Variants in RIC1 observed in about 807,000 individuals in gnomAD.
RIC1 encodes the protein guanine nucleotide exchange factor subunit RIC1.
A neutral mutation model predicts 169.0 loss-of-function variants in RIC1; 88 were observed. That is an observed-to-expected ratio of 0.52 (90% confidence interval 0.44 to 0.62). The LOEUF is 0.62. Among genes scored for constraint, RIC1 ranks in the 20% least tolerant of loss-of-function variants. RIC1 has a pLI of 0.00. For synonymous variants in RIC1, 790 were observed against 601.5 expected (o/e 1.31, Z -4.59); for missense variants, 1,877 against 1,725.5 (o/e 1.09, Z -1.56).
intron 1 of RIC1, among the ~76,000 whole-genome samples, chr9:5,643,792 AAAAAT>A (rs1818369833): frequency 6.6e-6 from 1 of 152,240 alleles, no homozygotes; most frequent in African/African-American, 2.4e-5. Flanking sequence ...TTTAATCAGA[AAAAAT>A]AAAATAAATT....
At chr9:5,744,279 C>G (rs1041594354) in intron 10 of RIC1, among the ~76,000 whole-genome samples, 2 of 151,974 alleles carry the variant, frequency 1.3e-5, no homozygotes, top group African/African-American at 4.8e-5. Context: ...AGGTGAAATG[C>G]TCATTGGGCA....
At chr9:5,686,185 T>A (rs974623312) in intron 2 of RIC1, among the ~76,000 whole-genome samples, 1 of 151,344 alleles carries the variant, frequency 6.6e-6, no homozygotes, top group African/African-American at 2.4e-5. Context: ...GGTGGGACTG[T>A]AAACTAGTTC....
At chr9:5,768,638 C>T (rs566578988) in intron 21 of RIC1, among the ~76,000 whole-genome samples, 1 of 152,292 alleles carries the variant, frequency 6.6e-6, no homozygotes, top group East Asian at 1.9e-4. Flanking sequence ...CTCTCCTTCC[C>T]TCTTTTCATT....
rs375835398 is a variant in RIC1, at chr9:5,765,583, A to G, written c.3000+11A>G. On this transcript the variant is annotated intron_variant, in intron 20 of 25. Coordinates refer to ENST00000414202, the MANE Select transcript of RIC1 (RefSeq NM_020829.4). ...ACACCCACAGCTCAGGTTAGTTGCA[A>G]AAGTTACACATCTTCTCTAGGCCAT... 47 of 1,613,894 alleles carry G rather than the reference A, an allele frequency of 2.9e-5. No homozygotes were observed. In the Middle Eastern group the frequency reaches 4.9e-4, roughly 17 times the overall value.
Position 5,650,857 on chromosome 9 carries a change from C to G in RIC1, c.145-5726C>G, listed in dbSNP as rs185554625. ...TGCTTTAATACCAGGGACTCTGCCA[C>G]TCTGCTGGGTCCAAGTGGCATTGCA... On this transcript the variant is annotated intron_variant, in intron 1 of 25. Coordinates refer to ENST00000414202, the MANE Select transcript of RIC1 (RefSeq NM_020829.4). 7.9e-5 allele frequency among the ~76,000 whole-genome samples: 12 copies of G among 152,272 alleles called. No individual in the cohort carries two copies. The East Asian group carries it at 1.5e-3, about 20-fold the overall frequency.
intron 9 of RIC1, among the ~76,000 whole-genome samples, chr9:5,743,318 G>A (rs1298081158): frequency 6.6e-6 from 1 of 152,078 alleles, no homozygotes; most frequent in Non-Finnish European, 1.5e-5. Context: ...AATGAGGGTG[G>A]TAAGGCATGT....
At chr9:5,769,772 C>G (rs1827071093) in intron 22 of RIC1, 1 of 269,556 alleles carries the variant, frequency 3.7e-6, no homozygotes, top group Non-Finnish European at 6.9e-6. Flanking sequence ...AAACTTTTAA[C>G]TTTGGCATTT....
intron 21 of RIC1, among the ~76,000 whole-genome samples, chr9:5,766,526 G>A (rs568352385): frequency 3.3e-5 from 5 of 152,040 alleles, no homozygotes; most frequent in African/African-American, 1.2e-4. Context: ...AGTCCCCAAA[G>A]TCCATTGTAT....
rs1418338850 is a variant in RIC1, at chr9:5,742,984, G to A, written c.1017G>A (p.Gln339=). 14 of 1,612,842 alleles carry A rather than the reference G, an allele frequency of 8.7e-6. No homozygotes were observed. Among genetic ancestry groups the A allele is most frequent in the African/African-American group, 1.3e-5 (1 of 74,844 alleles). Residue 339 remains glutamine, a synonymous_variant, in exon 9 of 26, where the codon CAG becomes CAA. Coordinates refer to ENST00000414202, the MANE Select transcript of RIC1 (RefSeq NM_020829.4). ...GLSLWSVFGA[Q]LICTLGGDFA... Reference sequence around the variant, plus strand: ...CTTTATGGAGTGTTTTTGGAGCACAGCTGATTTGTACACTTGGAGGAGATT... The same window carrying A: ...CTTTATGGAGTGTTTTTGGAGCACAACTGATTTGTACACTTGGAGGAGATT...
At chr9:5,726,213 C>G (rs1352492294) in intron 6 of RIC1, among the ~76,000 whole-genome samples, 1 of 152,118 alleles carries the variant, frequency 6.6e-6, no homozygotes, top group African/African-American at 2.4e-5. Flanking sequence ...TCTCTAAGGA[C>G]TTGCTTTATG....
At chr9:5,770,396 A>T (rs1827127688) in intron 23 of RIC1, 118 bp downstream of exon 23, 22 of 920,970 alleles carry the variant, frequency 2.4e-5, no homozygotes, top group Non-Finnish European at 3.2e-5. Flanking sequence ...AACCATTTGT[A>T]TCCACTGGAG....
At chr9:5,629,726 C>G (rs1455957801) in intron 1 of RIC1, among the ~76,000 whole-genome samples, 2 of 152,212 alleles carry the variant, frequency 1.3e-5, no homozygotes, top group Admixed American at 6.5e-5. Context: ...CGTGCAGACT[C>G]CGCACGCTCC....
chr9:5,701,437 C>T lies in RIC1; in HGVS notation c.332+11399C>T, dbSNP rs980277582. Reference sequence around the variant, plus strand: ...GACCAGCCTGACCAACATAGCAGAACCCCCGTCTCTACTAACAATACAAAA... The same window carrying T: ...GACCAGCCTGACCAACATAGCAGAATCCCCGTCTCTACTAACAATACAAAA... On this transcript the variant is annotated intron_variant, in intron 3 of 25. Coordinates refer to ENST00000414202, the MANE Select transcript of RIC1 (RefSeq NM_020829.4). Among the ~76,000 whole-genome samples the T allele has an allele frequency of 3.3e-5, 5 of 151,868 alleles. No homozygotes were observed. The South Asian group carries it at 8.3e-4, about 25-fold the overall frequency.
intron 1 of RIC1, among the ~76,000 whole-genome samples, chr9:5,637,497 T>C (rs1323353699): frequency 1.3e-5 from 2 of 152,234 alleles, no homozygotes; most frequent in African/African-American, 4.8e-5. Flanking sequence ...TTTTAAAATA[T>C]ACAATTAAAT....
At chr9:5,752,497 G>C (rs1289584181) in intron 12 of RIC1, among the ~76,000 whole-genome samples, 1 of 151,030 alleles carries the variant, frequency 6.6e-6, no homozygotes, top group Admixed American at 6.6e-5. Flanking sequence ...CTGGAGTGCA[G>C]TGGCGCGATC....
chr9:5,655,826 G>GT (rs1211587912), intron 1 of RIC1, among the ~76,000 whole-genome samples: 1 of 151,522 alleles, frequency 6.6e-6, no homozygotes, highest in Non-Finnish European at 1.5e-5. Flanking sequence ...TTGTTGAGAG[G>GT]TTTTATATCT....
At chr9:5,658,635 A>G (rs1416769678) in intron 2 of RIC1, among the ~76,000 whole-genome samples, 3 of 152,124 alleles carry the variant, frequency 2.0e-5, no homozygotes, top group Admixed American at 2.0e-4. Context: ...AATTGATAGT[A>G]GTAAAAATCC....
intron 1 of RIC1, among the ~76,000 whole-genome samples, chr9:5,639,597 G>T (rs901975975): frequency 6.6e-6 from 1 of 152,150 alleles, no homozygotes; most frequent in African/African-American, 2.4e-5. Flanking sequence ...TATCTGTTAG[G>T]TCCATTTGTT....
chr9:5,645,902 G>T (rs1321565799), intron 1 of RIC1, among the ~76,000 whole-genome samples: 1 of 151,040 alleles, frequency 6.6e-6, no homozygotes, highest in Non-Finnish European at 1.5e-5. Context: ...CTTCTTTTGG[G>T]TACATACCCA....
Sources: allele counts gnomAD v4.1 joint callset (sites outside exome capture counted in the v4.1 genomes callset), GRCh38; gene constraint gnomAD v4.1.1; transcripts MANE v1.5; gene names NCBI Gene and HGNC (gene_info 2026-07-23, HGNC 2026-07-21).